Variants in C8orf34 observed in about 807,000 individuals in gnomAD.
C8orf34 encodes the protein chromosome 8 open reading frame 34.
Under a neutral mutation model 68.3 loss-of-function variants are expected in C8orf34, and 65 were observed. The ratio of observed to expected loss-of-function variants is 0.95; its 90% CI spans 0.78 to 1.17. The LOEUF (loss-of-function observed/expected upper bound fraction) is 1.17, where lower values mean the gene tolerates loss of function less well. C8orf34 is among the 50% of genes most tolerant of loss of function. The pLI, the probability that C8orf34 is intolerant of heterozygous loss-of-function variation, is 0.00. For missense variants in C8orf34, 664 were observed against 655.4 expected (o/e 1.01, Z -0.14); for synonymous variants, 244 against 241.2 (o/e 1.01, Z -0.11).
At chr8:68,744,080 A>AC (rs1194578931) in intron 10 of C8orf34, among the ~76,000 whole-genome samples, 3 of 152,008 alleles carry the variant, frequency 2.0e-5, no homozygotes, top group Non-Finnish European at 4.4e-5. Context: ...CTGACCCCTG[A>AC]CCCCCAAGCA....
intron 8 of C8orf34, among the ~76,000 whole-genome samples, chr8:68,700,564 A>C (rs1164016826): frequency 2.0e-5 from 3 of 152,106 alleles, no homozygotes; most frequent in African/African-American, 7.2e-5. Context: ...TTAGACAGTT[A>C]TTCTGGGGAC....
At chr8:68,610,751 G>A (rs899087312) in intron 7 of C8orf34, among the ~76,000 whole-genome samples, 2 of 151,680 alleles carry the variant, frequency 1.3e-5, no homozygotes, top group Non-Finnish European at 2.9e-5. Flanking sequence ...ACTAATGAGG[G>A]AATGTTAGTG....
intron 10 of C8orf34, among the ~76,000 whole-genome samples, chr8:68,750,762 T>G (rs1822682187): frequency 6.6e-6 from 1 of 152,286 alleles, no homozygotes; most frequent in Non-Finnish European, 1.5e-5. Flanking sequence ...AATCAATTAG[T>G]CATCCTCATA....
chr8:68,791,293 A>T (rs951164785), intron 12 of C8orf34: 6 of 222,854 alleles, frequency 2.7e-5, no homozygotes, highest in African/African-American at 1.1e-4. Context: ...ACATTTTTAA[A>T]CCATCAGCTC....
At chr8:68,386,578 C>T (rs1808270650) in intron 1 of C8orf34, among the ~76,000 whole-genome samples, 1 of 152,108 alleles carries the variant, frequency 6.6e-6, no homozygotes, top group Admixed American at 6.5e-5. Flanking sequence ...CTTCTATAAC[C>T]TCCTAAGTGT....
chr8:68,619,448 G>A (rs918085784), intron 7 of C8orf34, among the ~76,000 whole-genome samples: 1 of 151,970 alleles, frequency 6.6e-6, no homozygotes, highest in Non-Finnish European at 1.5e-5. Context: ...AATAAACAAG[G>A]CATGCAGGGA....
At chr8:68,780,577 A>G (rs1032043374) in intron 11 of C8orf34, among the ~76,000 whole-genome samples, 1 of 152,186 alleles carries the variant, frequency 6.6e-6, no homozygotes, top group Non-Finnish European at 1.5e-5. Flanking sequence ...TCTTAATCTT[A>G]AGTAACTTTT....
intron 1 of C8orf34, among the ~76,000 whole-genome samples, chr8:68,421,877 A>G (rs1458101053): frequency 6.6e-6 from 1 of 152,224 alleles, no homozygotes; most frequent in Non-Finnish European, 1.5e-5. Flanking sequence ...TCATGGCAGA[A>G]GGCACCTCTT....
intron 8 of C8orf34, among the ~76,000 whole-genome samples, chr8:68,689,432 T>TA (rs1036032140): frequency 5.3e-5 from 8 of 151,966 alleles, no homozygotes; most frequent in African/African-American, 1.9e-4. Context: ...AAATAACGCT[T>TA]AAAAAAATTA....
chr8:68,350,758 C>T (rs1445119990), intron 1 of C8orf34, among the ~76,000 whole-genome samples: 2 of 151,744 alleles, frequency 1.3e-5, no homozygotes, highest in Admixed American at 1.3e-4. Flanking sequence ...TGTCTGAAAT[C>T]TGTTTTGTCT....
chr8:68,748,883 C>G (rs1450206806), intron 10 of C8orf34, among the ~76,000 whole-genome samples: 1 of 152,222 alleles, frequency 6.6e-6, no homozygotes, highest in East Asian at 1.9e-4. Context: ...CATCCCATTA[C>G]TGGGTATACA....
intron 4 of C8orf34, among the ~76,000 whole-genome samples, chr8:68,473,034 C>T (rs1812447820): frequency 6.6e-6 from 1 of 152,136 alleles, no homozygotes; most frequent in Non-Finnish European, 1.5e-5. Flanking sequence ...TTTCCTTCTT[C>T]CTCCTTCATA....
intron 1 of C8orf34, among the ~76,000 whole-genome samples, chr8:68,413,747 C>T (rs1484167878): frequency 3.9e-5 from 6 of 152,220 alleles, no homozygotes; most frequent in Admixed American, 6.5e-5. Context: ...CCCTCACTTA[C>T]ACCACCACTA....
At chr8:68,340,735 A>G (rs1050962804) in intron 1 of C8orf34, among the ~76,000 whole-genome samples, 1 of 152,224 alleles carries the variant, frequency 6.6e-6, no homozygotes, top group Non-Finnish European at 1.5e-5. Context: ...TTTAAAAATA[A>G]TCAATACTAA....
At chr8:68,499,294 T>A (rs1361591452) in intron 5 of C8orf34, among the ~76,000 whole-genome samples, 1 of 152,178 alleles carries the variant, frequency 6.6e-6, no homozygotes, top group Non-Finnish European at 1.5e-5. Flanking sequence ...GGAATATTTT[T>A]TAGTGCCAGA....
intron 1 of C8orf34, among the ~76,000 whole-genome samples, chr8:68,339,897 T>A (rs1806000637): frequency 6.6e-6 from 1 of 151,980 alleles, no homozygotes; most frequent in Admixed American, 6.6e-5. Flanking sequence ...TCCTGCCTAT[T>A]ATATATAAAC....
intron 12 of C8orf34, among the ~76,000 whole-genome samples, chr8:68,798,346 G>A (rs972758841): frequency 6.8e-6 from 1 of 146,316 alleles, no homozygotes; most frequent in African/African-American, 2.6e-5. Context: ...CTGAAGTGCA[G>A]TGTGCAGTGG....
At chr8:68,425,965 G>A (rs545533327) in intron 1 of C8orf34, among the ~76,000 whole-genome samples, 29 of 152,194 alleles carry the variant, frequency 1.9e-4, no homozygotes, top group Non-Finnish European at 3.7e-4. Context: ...AAGAGCATTT[G>A]TAGGGAAAAA....
chr8:68,635,524 A>G (rs996517268), intron 7 of C8orf34, among the ~76,000 whole-genome samples: 2 of 152,220 alleles, frequency 1.3e-5, no homozygotes, highest in Non-Finnish European at 2.9e-5. Context: ...CATTTAAACA[A>G]ACATTCTTCT....
Sources: allele counts gnomAD v4.1 joint callset (sites outside exome capture counted in the v4.1 genomes callset), GRCh38; gene constraint gnomAD v4.1.1; transcripts MANE v1.5; gene names NCBI Gene and HGNC (gene_info 2026-07-23, HGNC 2026-07-21).